The following SLC16A12 variants were observed in gnomAD, a reference collection of about 807,000 sequenced individuals.
The protein encoded by SLC16A12 is monocarboxylate transporter 12.
Under a neutral mutation model 42.4 loss-of-function variants are expected in SLC16A12, and 17 were observed. The observed-to-expected ratio is 0.40, with a 90% CI of 0.27 to 0.60. The LOEUF (loss-of-function observed/expected upper bound fraction) is 0.60. Among genes scored for constraint, SLC16A12 ranks in the 20% least tolerant of loss-of-function variants. SLC16A12 has a pLI of 0.42. For synonymous variants in SLC16A12, 224 were observed against 229.4 expected (o/e 0.98, Z 0.21); for missense variants, 544 against 623.0 (o/e 0.87, Z 1.35).
chr10:89,489,176 C>G (rs1009443315), intron 2 of SLC16A12, among the ~76,000 whole-genome samples: 1 of 151,964 alleles, frequency 6.6e-6, no homozygotes, highest in African/African-American at 2.4e-5. Context: ...CTATTTTGAC[C>G]CCAACGTTAC....
intron 3 of SLC16A12, among the ~76,000 whole-genome samples, chr10:89,460,235 T>C (rs541959012): frequency 6.6e-6 from 1 of 152,224 alleles, no homozygotes; most frequent in Non-Finnish European, 1.5e-5. Flanking sequence ...GGACCAAGGA[T>C]AGGGATTCCT....
intron 2 of SLC16A12, among the ~76,000 whole-genome samples, chr10:89,546,402 A>G (rs1042523233): frequency 6.6e-6 from 1 of 152,268 alleles, no homozygotes; most frequent in African/African-American, 2.4e-5. Flanking sequence ...TCAAAAGAAG[A>G]CATTTATGTG....
upstream of SLC16A12, among the ~76,000 whole-genome samples, chr10:89,536,092 C>A (rs1165135184): frequency 6.6e-6 from 1 of 152,184 alleles, no homozygotes; most frequent in Non-Finnish European, 1.5e-5. Context: ...GTGTCCCCAG[C>A]CAAACCGCTC....
intron 3 of SLC16A12, among the ~76,000 whole-genome samples, chr10:89,454,481 A>C (rs1038410855): frequency 6.6e-6 from 1 of 151,884 alleles, no homozygotes. Flanking sequence ...TCAGATCCTA[A>C]TGCTTCATAC....
intron 5 of SLC16A12, among the ~76,000 whole-genome samples, chr10:89,439,695 T>C (rs1239395492): frequency 6.6e-6 from 1 of 152,146 alleles, no homozygotes; most frequent in Non-Finnish European, 1.5e-5. Context: ...TATGTGAACA[T>C]AGCAATGTAT....
chr10:89,484,802 G>T (rs549944653), intron 2 of SLC16A12, among the ~76,000 whole-genome samples: 1 of 152,220 alleles, frequency 6.6e-6, no homozygotes, highest in East Asian at 1.9e-4. Context: ...GAAATACTAG[G>T]TACTTAATGG....
intron 2 of SLC16A12, among the ~76,000 whole-genome samples, chr10:89,548,737 A>C (rs1439923455): frequency 6.6e-6 from 1 of 152,150 alleles, no homozygotes; most frequent in Non-Finnish European, 1.5e-5. Context: ...AATCGCTTGA[A>C]TCCGGGAGGC....
At position 89,485,123 on chromosome 10, in the gene SLC16A12, G is replaced by A. The variant is rs116898043; in HGVS notation, c.-46-22499C>T. Among the ~76,000 whole-genome samples, 1,004 of 152,300 alleles carry A rather than the reference G, an allele frequency of 6.6e-3. 6 individuals are homozygous for A. Among genetic ancestry groups the A allele is most frequent in the Non-Finnish European group, 9.3e-3 (631 of 68,014 alleles). On this transcript the variant is annotated intron_variant, in intron 2 of 7. Coordinates refer to ENST00000371790, the MANE Select transcript of SLC16A12 (RefSeq NM_213606.4). ...GGAAGCAGTTTCCTATGGATCAGTCGTTGTCAACAATGGCCAATTTGGCTC... is the reference window on the plus strand; with the variant it reads ...GGAAGCAGTTTCCTATGGATCAGTCATTGTCAACAATGGCCAATTTGGCTC...
At chr10:89,522,383 C>T (rs1433236771) in intron 2 of SLC16A12, among the ~76,000 whole-genome samples, 1 of 152,114 alleles carries the variant, frequency 6.6e-6, no homozygotes, top group Non-Finnish European at 1.5e-5. Flanking sequence ...GCTGCTAGAC[C>T]TCATGGTCCA....
At chr10:89,451,553 A>C (rs375028696) in intron 3 of SLC16A12, among the ~76,000 whole-genome samples, 207 of 152,154 alleles carry the variant, frequency 1.4e-3, no homozygotes, top group African/African-American at 4.8e-3. Context: ...CTGGGATTAC[A>C]GGCGCCCGCC....
chr10:89,485,514 A>G (rs1338276122), intron 2 of SLC16A12, among the ~76,000 whole-genome samples: 1 of 152,202 alleles, frequency 6.6e-6, no homozygotes, highest in African/African-American at 2.4e-5. Flanking sequence ...CCATTCCACA[A>G]AAGTTCTCCA....
At chr10:89,498,277 A>G (rs1410431470) in intron 2 of SLC16A12, among the ~76,000 whole-genome samples, 2 of 152,172 alleles carry the variant, frequency 1.3e-5, no homozygotes, top group East Asian at 3.8e-4. Flanking sequence ...GGCTGTGGTG[A>G]GCCCCGATCA....
In SLC16A12 at chr10:89,471,836, G is replaced by T. The variant is rs561558543; in HGVS notation, c.-46-9212C>A. Among the ~76,000 whole-genome samples, 6 of 152,216 alleles carry T rather than the reference G, an allele frequency of 3.9e-5. No homozygotes were observed. The East Asian group carries it at 1.2e-3, about 29-fold the overall frequency. On this transcript the variant is annotated intron_variant, in intron 2 of 7. Coordinates refer to ENST00000371790, the MANE Select transcript of SLC16A12 (RefSeq NM_213606.4). ...TCAGTCATTCTAGTGATATCAAATG[G>T]TATCTCATTGTAGTTTTAATTTGTA...
intron 2 of SLC16A12, among the ~76,000 whole-genome samples, chr10:89,503,624 T>C (rs1843019470): frequency 6.6e-6 from 1 of 152,074 alleles, no homozygotes; most frequent in African/African-American, 2.4e-5. Flanking sequence ...AAGTCAGAAG[T>C]AGTAGCCTGA....
At chr10:89,488,005 C>CAT (rs1564586588) in intron 2 of SLC16A12, among the ~76,000 whole-genome samples, 1 of 139,854 alleles carries the variant, frequency 7.2e-6, no homozygotes, top group Admixed American at 7.2e-5. Context: ...TACACACACA[C>CAT]ATTTATTATA....
rs148738743 is a variant in SLC16A12 at position 89,526,037 on chromosome 10, C to T, written c.-47+8464G>A. Reference sequence around the variant, plus strand: ...CACTTCAACCTGCATGTAGAAGGGGCCCCAGTGATTTGTGCATGATGCAGG... The same window carrying T: ...CACTTCAACCTGCATGTAGAAGGGGTCCCAGTGATTTGTGCATGATGCAGG... On this transcript the variant is annotated intron_variant, in intron 2 of 7. Transcript: ENST00000371790. Among the ~76,000 whole-genome samples the T allele has an allele frequency of 6.4e-3, 973 of 152,192 alleles. 10 individuals are homozygous for T. Among genetic ancestry groups the T allele is most frequent in the African/African-American group, 0.022 (917 of 41,532 alleles).
In SLC16A12 at chr10:89,436,290, T is replaced by C. The variant is rs1231579734; in HGVS notation, c.1058A>G (p.Tyr353Cys). 6.2e-7 allele frequency: 1 copy of C among 1,614,016 alleles called. No individual in the cohort carries two copies. Among genetic ancestry groups the C allele is most frequent in the East Asian group, 2.2e-5 (1 of 44,880 alleles). ...CCCATCCATTCCCACGGCAAAGAGG[T>C]AGCAAACATACTGGTAATTCTTCAG... ...RCLKNYQYVC[Y>C]LFAVGMDGLC... The change falls in exon 7 of 8, where the codon TAC (tyrosine) becomes TGC (cysteine). Residue 353 changes from tyrosine (Y) to cysteine (C), a missense_variant. Transcript: ENST00000371790.
intron 2 of SLC16A12, among the ~76,000 whole-genome samples, chr10:89,553,032 G>A (rs928423450): frequency 6.6e-6 from 1 of 152,304 alleles, no homozygotes; most frequent in South Asian, 2.1e-4. Context: ...TGGATCACAA[G>A]GTCAGGAGTT....
At chr10:89,535,891 C>G (rs1843651346), upstream of SLC16A12, among the ~76,000 whole-genome samples, 1 of 152,216 alleles carries the variant, frequency 6.6e-6, no homozygotes. Context: ...GGAAGCGTAG[C>G]GCGGAAAATC....
Sources: gnomAD v4.1 joint callset for allele counts (sites outside exome capture counted in the v4.1 genomes callset) on GRCh38, gnomAD v4.1.1 for gene constraint, MANE v1.5 for transcripts, NCBI Gene and HGNC (gene_info 2026-07-23, HGNC 2026-07-21) for gene names.